Variants in BAZ2B observed in about 807,000 individuals in gnomAD.
The protein encoded by BAZ2B is bromodomain adjacent to zinc finger domain protein 2B.
A neutral mutation model predicts 246.0 loss-of-function variants in BAZ2B; 91 were observed. The observed-to-expected ratio is 0.37, with a 90% CI of 0.31 to 0.44. The LOEUF (loss-of-function observed/expected upper bound fraction) is 0.44, where lower values mean the gene tolerates loss of function less well. BAZ2B is among the 20% of genes least tolerant of loss of function. The pLI is 1.00. For synonymous variants in BAZ2B, 855 were observed against 860.0 expected (o/e 0.99, Z 0.10); for missense variants, 2,332 against 2,533.7 (o/e 0.92, Z 1.71).
chr2:159,406,054 G>A (rs1405656876), intron 14 of BAZ2B, among the ~76,000 whole-genome samples: 1 of 152,152 alleles, frequency 6.6e-6, no homozygotes, highest in African/African-American at 2.4e-5. Context: ...CAAAGTTAAT[G>A]TCCCCAATTC....
At chr2:159,563,660 G>A (rs1307434442) in intron 1 of BAZ2B, among the ~76,000 whole-genome samples, 1 of 152,106 alleles carries the variant, frequency 6.6e-6, no homozygotes, top group African/African-American at 2.4e-5. Flanking sequence ...TAATTGCCAG[G>A]GACTAGGGGA....
the BAZ2B span, among the ~76,000 whole-genome samples, chr2:159,671,728 C>A: frequency 6.6e-6 from 1 of 151,998 alleles, no homozygotes; most frequent in African/African-American, 2.4e-5. Flanking sequence ...TAATGAAGAC[C>A]AAACACTAGA....
intron 27 of BAZ2B, among the ~76,000 whole-genome samples, chr2:159,355,423 T>C (rs914505403): frequency 3.9e-5 from 6 of 152,298 alleles, no homozygotes; most frequent in African/African-American, 7.2e-5. Flanking sequence ...CTATTTAGGA[T>C]TGTTCCTTTC....
chr2:159,708,607 T>C, the BAZ2B span, among the ~76,000 whole-genome samples: 1 of 151,464 alleles, frequency 6.6e-6, no homozygotes, highest in Non-Finnish European at 1.5e-5. Context: ...TGAGATAGGG[T>C]CTGTCACCCA....
intron 13 of BAZ2B, among the ~76,000 whole-genome samples, chr2:159,417,625 A>C (rs1380501428): frequency 6.6e-6 from 1 of 152,260 alleles, no homozygotes; most frequent in Non-Finnish European, 1.5e-5. Flanking sequence ...TGAATAATCC[A>C]GGTAAATAAG....
Position 159,428,343 on chromosome 2 carries a change from T to C in BAZ2B, c.2332A>G (p.Lys778Glu), listed in dbSNP as rs745493256. Residue 778 changes from lysine (K) to glutamate (E), a missense_variant, in exon 12 of 37, where the codon AAG becomes GAG. Physicochemically the swap from Lys to Glu is moderately conservative, Grantham distance 56. Transcript: ENST00000392783. ...GEVAYYAPCGKKLRQYPEVIK... is the reference protein window; with the variant it reads ...GEVAYYAPCGEKLRQYPEVIK... ...ACTTCAGGGTACTGCCTAAGTTTCT[T>C]TCCACATGGAGCATAATATGCTACT... The C allele has an allele frequency of 1.2e-6, 2 of 1,613,228 alleles. No individual in the cohort carries two copies. The highest frequency in any genetic ancestry group is 8.5e-7 in the Non-Finnish European group (1 of 1,179,604).
intron 1 of BAZ2B, among the ~76,000 whole-genome samples, chr2:159,558,552 G>C (rs2089482000): frequency 6.6e-6 from 1 of 152,102 alleles, no homozygotes; most frequent in South Asian, 2.1e-4. Context: ...GAGCCACTGT[G>C]CCCGGCTCCA....
At chr2:159,609,540 A>G (rs940035079) in intron 1 of BAZ2B, among the ~76,000 whole-genome samples, 6 of 152,194 alleles carry the variant, frequency 3.9e-5, no homozygotes, top group Non-Finnish European at 8.8e-5. Context: ...ATCCAGGATA[A>G]TTCTGTTATT....
At chr2:159,325,135 A>AG (rs2063501114) in intron 35 of BAZ2B, among the ~76,000 whole-genome samples, 181 bp from the exon 36 acceptor site, 3 of 42,866 alleles carry the variant, frequency 7.0e-5, no homozygotes, top group Non-Finnish European at 1.2e-4. Flanking sequence ...ATATATATAT[A>AG]TATATATATA....
At position 159,384,377 on chromosome 2, in the gene BAZ2B, A is replaced by G. The variant is rs115441670; in HGVS notation, c.3687-697T>C. 1.5e-3 allele frequency among the ~76,000 whole-genome samples: 233 copies of G among 152,214 alleles called. 3 individuals are homozygous for G. Among genetic ancestry groups the G allele is most frequent in the African/African-American group, 5.1e-3 (212 of 41,574 alleles). On this transcript the variant is annotated intron_variant, in intron 23 of 36. Transcript: ENST00000392783. ...ATGACTGTCAGTGAATAGCAGAAAC[A>G]AACAAAAAATTACATTAATACAATA...
At chr2:159,708,703 T>C in the BAZ2B span, among the ~76,000 whole-genome samples, 5 of 151,872 alleles carry the variant, frequency 3.3e-5, no homozygotes, top group African/African-American at 7.3e-5. Context: ...GCCTCCCAAG[T>C]AGCTGGGATT....
At chr2:159,448,738 A>G (rs1008540096) in intron 4 of BAZ2B, among the ~76,000 whole-genome samples, 7 of 152,240 alleles carry the variant, frequency 4.6e-5, no homozygotes, top group African/African-American at 1.7e-4. Flanking sequence ...GACTTATCCC[A>G]TAACTTTTCT....
At chr2:159,478,491 A>C in intron 3 of BAZ2B, 84 bp downstream of exon 3, 1 of 1,395,884 alleles carries the variant, frequency 7.2e-7, no homozygotes, top group Admixed American at 2.4e-5. Flanking sequence ...AGTCATGAGA[A>C]TATTTTATTC....
intron 3 of BAZ2B, among the ~76,000 whole-genome samples, chr2:159,465,411 G>T (rs2076917506): frequency 6.6e-6 from 1 of 152,120 alleles, no homozygotes; most frequent in Admixed American, 6.6e-5. Flanking sequence ...TGTCTTTTGA[G>T]GGGGAGGATA....
Position 159,478,652 on chromosome 2 carries a change from G to A in BAZ2B, c.68C>T (p.Pro23Leu). The change falls in exon 3 of 37, where the codon CCT becomes CTT. Residue 23 changes from proline to leucine, a missense_variant. By Grantham distance (98) the Pro-to-Leu change is moderately conservative. Around this residue, in one of 9 missense-constraint regions of BAZ2B, gnomAD observed 242 missense variants for 237.4 expected, o/e 1.02. Coordinates refer to ENST00000392783, the MANE Select transcript of BAZ2B (RefSeq NM_013450.4). ...SSTTPTSSST[P>L]SVASVVSKGG... is the part of the protein sequence containing the mutation. ...TTTTGAAACTACTGAAGCCACAGAA[G>A]GTGTCGAAGATGAAGTTGGTGTAGT... The A allele has an allele frequency of 1.9e-6, 3 of 1,611,174 alleles. No homozygotes were observed. Among genetic ancestry groups the A allele is most frequent in the Non-Finnish European group, 2.5e-6 (3 of 1,178,302 alleles).
chr2:159,349,918 C>T lies in BAZ2B; in HGVS notation c.4653G>A (p.Thr1551=), dbSNP rs777277917. Residue 1551 remains threonine, a synonymous_variant, in exon 28 of 37, where the codon ACG becomes ACA. Transcript: ENST00000392783. ...ACCATTGTCTATTCTTTTCAGTCAGCGTTTTTAGTAACTGGTCATTGGGGA... is the reference window on the plus strand; with the variant it reads ...ACCATTGTCTATTCTTTTCAGTCAGTGTTTTTAGTAACTGGTCATTGGGGA... ...SPLPNDQLLK[T]LTEKNRQWFS... 8.7e-6 allele frequency: 14 copies of T among 1,613,976 alleles called. No individual in the cohort carries two copies. The highest frequency in any genetic ancestry group is 5.5e-5 in the South Asian group (5 of 91,082).
At chr2:159,635,647 CCT>C in the BAZ2B span, among the ~76,000 whole-genome samples, 1 of 151,088 alleles carries the variant, frequency 6.6e-6, no homozygotes, top group Non-Finnish European at 1.5e-5. Flanking sequence ...CTCTTCCCTT[CCT>C]CTTTTTAACA....
chr2:159,591,678 T>C (rs1390148018), intron 1 of BAZ2B, among the ~76,000 whole-genome samples: 3 of 152,212 alleles, frequency 2.0e-5, no homozygotes, highest in African/African-American at 7.2e-5. Flanking sequence ...ATAACTTTTC[T>C]AGAAATTTGA....
At chr2:159,640,927 G>GA in the BAZ2B span, among the ~76,000 whole-genome samples, 17 of 146,446 alleles carry the variant, frequency 1.2e-4, no homozygotes, top group African/African-American at 4.3e-4. Context: ...TAGAAATGAA[G>GA]AAAACAAAAC....
Sources: allele counts gnomAD v4.1 joint callset (sites outside exome capture counted in the v4.1 genomes callset), GRCh38; gene constraint gnomAD v4.1.1; regional missense constraint gnomAD v4.1.1; transcripts MANE v1.5; gene names NCBI Gene and HGNC (gene_info 2026-07-23, HGNC 2026-07-21).